The following NEK11 variants were observed in gnomAD, a reference collection of about 807,000 sequenced individuals.
NEK11 encodes the protein serine/threonine-protein kinase Nek11.
In NEK11, 72 loss-of-function variants were observed where a neutral mutation model predicts 80.7. That is an observed-to-expected ratio of 0.89 (90% CI 0.74 to 1.08). The LOEUF (loss-of-function observed/expected upper bound fraction) is 1.08. Ranked by LOEUF, NEK11 falls within the 50% of genes least tolerant of loss-of-function variation. NEK11 has a pLI of 0.00. For missense variants in NEK11, 764 were observed against 763.6 expected (o/e 1.00, Z -0.01); for synonymous variants, 251 against 260.7 (o/e 0.96, Z 0.36).
In NEK11 at chr3:131,331,410, C is replaced by T. The variant is rs548396783; in HGVS notation, c.1719-18147C>T. Among the ~76,000 whole-genome samples, 11 of 152,270 alleles carry T rather than the reference C, an allele frequency of 7.2e-5. No individual in the cohort carries two copies. The South Asian group carries it at 2.3e-3, about 32-fold the overall frequency. On this transcript the variant is annotated intron_variant, in intron 17 of 17. Transcript: ENST00000383366. ...TAGATGATAATGACCTTCCGGGTATCCATTAAACCATTAGCAATGTCTCCA... is the reference window on the plus strand; with the variant it reads ...TAGATGATAATGACCTTCCGGGTATTCATTAAACCATTAGCAATGTCTCCA...
At chr3:131,131,356 G>A (rs1170489285) in intron 5 of NEK11, among the ~76,000 whole-genome samples, 1 of 152,114 alleles carries the variant, frequency 6.6e-6, no homozygotes, top group African/African-American at 2.4e-5. Context: ...TGGGCCCAGT[G>A]TTTTTTATTT....
chr3:131,223,238 C>T (rs532431005), intron 14 of NEK11, among the ~76,000 whole-genome samples: 5 of 152,094 alleles, frequency 3.3e-5, no homozygotes, highest in Non-Finnish European at 7.4e-5. Context: ...AACGGACTTA[C>T]GTTTTTTTTG....
chr3:131,044,695 C>T (rs980104367), intron 3 of NEK11, among the ~76,000 whole-genome samples: 5 of 152,036 alleles, frequency 3.3e-5, no homozygotes, highest in African/African-American at 1.2e-4. Flanking sequence ...GCCCCACTGT[C>T]AATATTAGAC....
At chr3:131,221,064 ATTAG>A (rs1259528721) in intron 14 of NEK11, among the ~76,000 whole-genome samples, 1 of 152,042 alleles carries the variant, frequency 6.6e-6, no homozygotes, top group Non-Finnish European at 1.5e-5. Flanking sequence ...CTCCCAAAGG[ATTAG>A]TTAATTCTTT....
intron 15 of NEK11, among the ~76,000 whole-genome samples, chr3:131,243,052 G>A (rs2095542454): frequency 6.6e-6 from 1 of 152,040 alleles, no homozygotes; most frequent in African/African-American, 2.4e-5. Flanking sequence ...ATTGTAAATT[G>A]AATAAAATAT....
intron 14 of NEK11, among the ~76,000 whole-genome samples, chr3:131,213,281 A>G (rs1038149221): frequency 8.5e-5 from 13 of 152,298 alleles, no homozygotes; most frequent in Admixed American, 8.5e-4. Flanking sequence ...TAGGCCAGCA[A>G]GCATGTTCTA....
chr3:131,318,290 T>C (rs1248580621), intron 17 of NEK11, among the ~76,000 whole-genome samples: 1 of 152,050 alleles, frequency 6.6e-6, no homozygotes, highest in Non-Finnish European at 1.5e-5. Flanking sequence ...ATATATCCCA[T>C]TCATTATTTC....
intron 12 of NEK11, 55 bp downstream of exon 12, chr3:131,165,574 A>T (rs959073): frequency 0.081 from 87,299 of 1,076,938 alleles, 6,994 homozygotes; most frequent in East Asian, 0.41. Flanking sequence ...CTTTAGATTC[A>T]TGGCGATGAT....
intron 5 of NEK11, among the ~76,000 whole-genome samples, chr3:131,114,439 T>C (rs964548871): frequency 4.6e-5 from 7 of 152,212 alleles, no homozygotes; most frequent in Admixed American, 6.5e-5. Context: ...ATGTTGCATA[T>C]TGACAGATAT....
intron 17 of NEK11, chr3:131,330,556 T>C (rs1417421301): frequency 6.6e-6 from 1 of 152,066 alleles, no homozygotes; most frequent in Non-Finnish European, 1.5e-5. Flanking sequence ...TTGGGGAAAA[T>C]ATTGGAGGAC....
chr3:131,294,844 C>G (rs150308702), intron 17 of NEK11, among the ~76,000 whole-genome samples: 39 of 152,226 alleles, frequency 2.6e-4, no homozygotes, highest in Admixed American at 9.8e-4. Context: ...ATTTATCCCT[C>G]ATAGCTTCCC....
intron 17 of NEK11, among the ~76,000 whole-genome samples, chr3:131,289,526 C>A (rs78821743): frequency 6.6e-6 from 1 of 152,188 alleles, no homozygotes; most frequent in Non-Finnish European, 1.5e-5. Context: ...CAGACCATGG[C>A]AGTAGCATCA....
intron 16 of NEK11, among the ~76,000 whole-genome samples, chr3:131,245,364 T>G (rs187493264): frequency 6.6e-6 from 1 of 151,618 alleles, no homozygotes; most frequent in Admixed American, 6.6e-5. Context: ...GACACTTAGG[T>G]TGGTTCCATA....
At chr3:131,219,426 G>T (rs1215684633) in intron 14 of NEK11, among the ~76,000 whole-genome samples, 1 of 152,076 alleles carries the variant, frequency 6.6e-6, no homozygotes, top group Non-Finnish European at 1.5e-5. Context: ...ACAGCATTAG[G>T]AGAAATACCT....
At chr3:131,223,550 A>G (rs937203102) in intron 14 of NEK11, among the ~76,000 whole-genome samples, 2 of 152,182 alleles carry the variant, frequency 1.3e-5, no homozygotes, top group Admixed American at 6.5e-5. Context: ...TCCACTGCCT[A>G]TGTTTGTAAA....
At chr3:131,117,487 GT>G (rs1272581261) in intron 5 of NEK11, among the ~76,000 whole-genome samples, 3 of 151,210 alleles carry the variant, frequency 2.0e-5, no homozygotes, top group South Asian at 4.2e-4. Flanking sequence ...ATGAACTTTA[GT>G]TTTTTTTTCC....
intron 16 of NEK11, among the ~76,000 whole-genome samples, chr3:131,251,692 A>G (rs1003091955): frequency 2.6e-5 from 4 of 152,080 alleles, no homozygotes; most frequent in African/African-American, 9.7e-5. Context: ...TGTAACTGCT[A>G]AAGTGCTTGC....
intron 16 of NEK11, among the ~76,000 whole-genome samples, chr3:131,255,425 G>A (rs76316675): frequency 0.054 from 8,193 of 152,028 alleles, 720 homozygotes; most frequent in African/African-American, 0.19. Flanking sequence ...TTTTCAGATC[G>A]TACTTTAAAA....
chr3:131,080,138 A>C (rs980794964), intron 3 of NEK11, among the ~76,000 whole-genome samples: 20 of 152,082 alleles, frequency 1.3e-4, no homozygotes, highest in Non-Finnish European at 1.5e-5. Context: ...TGAAACATCT[A>C]GAGAGGTGGA....
Sources: allele counts gnomAD v4.1 joint callset (sites outside exome capture counted in the v4.1 genomes callset), GRCh38; gene constraint gnomAD v4.1.1; transcripts MANE v1.5; gene names NCBI Gene and HGNC (gene_info 2026-07-23, HGNC 2026-07-21).